CCDC7: variants seen among roughly 807,000 people sequenced by gnomAD.
The protein encoded by CCDC7 is coiled-coil domain-containing protein 7.
Under a neutral mutation model 196.9 loss-of-function variants are expected in CCDC7, and 183 were observed. That is an observed-to-expected ratio of 0.93 (90% confidence interval 0.82 to 1.05). The LOEUF is 1.05. Ranked by LOEUF, CCDC7 falls within the 50% of genes least tolerant of loss-of-function variation. The probability of loss-of-function intolerance (pLI) is 0.00; values close to 1 mark genes in which losing one functional copy is unlikely to be tolerated. For synonymous variants in CCDC7, 525 were observed against 484.6 expected (o/e 1.08, Z -1.10); for missense variants, 1,540 against 1,482.2 (o/e 1.04, Z -0.64).
At chr10:32,875,325 G>C (rs1299814088) in intron 41 of CCDC7, among the ~76,000 whole-genome samples, 1 of 152,012 alleles carries the variant, frequency 6.6e-6, no homozygotes, top group Non-Finnish European at 1.5e-5. Context: ...GTTTAAGGAA[G>C]GGGTCCAGTT....
At chr10:32,833,346 C>CTCTT (rs2092361370) in intron 32 of CCDC7, among the ~76,000 whole-genome samples, 1 of 23,924 alleles carries the variant, frequency 4.2e-5, no homozygotes, top group Non-Finnish European at 1.5e-4. Context: ...ATATATTACC[C>CTCTT]TTTTTTTAAA....
intron 28 of CCDC7, among the ~76,000 whole-genome samples, chr10:32,733,806 A>G (rs966532030): frequency 1.3e-5 from 2 of 152,162 alleles, no homozygotes; most frequent in Non-Finnish European, 2.9e-5. Flanking sequence ...TATACTTTTT[A>G]TCTGGTAAAT....
intron 21 of CCDC7, among the ~76,000 whole-genome samples, chr10:32,676,538 C>A (rs1449997281): frequency 6.6e-6 from 1 of 152,080 alleles, no homozygotes; most frequent in Non-Finnish European, 1.5e-5. Flanking sequence ...AAACAAACAA[C>A]CCCATCAAAA....
At chr10:32,611,355 T>C (rs138951657) in intron 18 of CCDC7, among the ~76,000 whole-genome samples, 6,881 of 152,328 alleles carry the variant, frequency 0.045, 222 homozygotes, top group Middle Eastern at 0.088. Flanking sequence ...AAAAATGTTC[T>C]CCCATTCTGT....
intron 11 of CCDC7, among the ~76,000 whole-genome samples, chr10:32,526,260 C>T (rs1246295154): frequency 6.6e-6 from 1 of 152,154 alleles, no homozygotes; most frequent in Non-Finnish European, 1.5e-5. Context: ...ATGGTCTCTT[C>T]CTTCAGCTTG....
chr10:32,804,959 C>T, intron 29 of CCDC7, 56 bp from the exon 31 acceptor site: 1 of 1,063,442 alleles, frequency 9.4e-7, no homozygotes, highest in Non-Finnish European at 1.5e-6. Flanking sequence ...ACACCCCTCA[C>T]ATTCCTATGT....
intron 24 of CCDC7, among the ~76,000 whole-genome samples, chr10:32,709,462 A>G (rs2080433569): frequency 6.6e-6 from 1 of 151,848 alleles, no homozygotes; most frequent in African/African-American, 2.4e-5. Context: ...TAGAACTTAA[A>G]GTATAATAAA....
chr10:32,830,147 T>A, intron 32 of CCDC7, among the ~76,000 whole-genome samples: 1 of 126,342 alleles, frequency 7.9e-6, no homozygotes, highest in Non-Finnish European at 1.8e-5. Flanking sequence ...TATATCCTAT[T>A]AGTTCTTTCC....
At chr10:32,848,088 A>T (rs2093384798) in intron 38 of CCDC7, among the ~76,000 whole-genome samples, 172 bp downstream of exon 39, 1 of 151,844 alleles carries the variant, frequency 6.6e-6, no homozygotes, top group Non-Finnish European at 1.5e-5. Flanking sequence ...AATTAGCTAG[A>T]AAGTTTTAAA....
chr10:32,617,511 T>G (rs907046854), intron 18 of CCDC7, among the ~76,000 whole-genome samples: 5 of 151,832 alleles, frequency 3.3e-5, no homozygotes, highest in African/African-American at 7.2e-5. Context: ...TTTAATAAAA[T>G]TTTTAAATTT....
rs143322378 is a variant in CCDC7 at position 32,556,635 on chromosome 10, A to G, written c.1135-8923A>G. Among the ~76,000 whole-genome samples, 87 of 152,314 alleles carry G rather than the reference A, an allele frequency of 5.7e-4. No homozygotes were observed. The Middle Eastern group carries it at 0.014, about 24-fold the overall frequency. On this transcript the variant is annotated intron_variant, in intron 13 of 41. Coordinates refer to ENST00000639629, the Ensembl canonical transcript of CCDC7. ...GTATGTTTGTTCTGTGGTATGAGATATGTCTTCCATTTAATTTACAAGATT... is the reference window on the plus strand; with the variant it reads ...GTATGTTTGTTCTGTGGTATGAGATGTGTCTTCCATTTAATTTACAAGATT...
At chr10:32,480,183 C>G (rs886849582) in intron 8 of CCDC7, among the ~76,000 whole-genome samples, 1 of 151,934 alleles carries the variant, frequency 6.6e-6, no homozygotes, top group Non-Finnish European at 1.5e-5. Context: ...TTTCTAGTCT[C>G]TATTTTATGT....
intron 32 of CCDC7, among the ~76,000 whole-genome samples, chr10:32,827,043 T>A (rs1422104427): frequency 1.3e-5 from 2 of 152,364 alleles, no homozygotes; most frequent in South Asian, 2.1e-4. Context: ...TTGTATCCCA[T>A]GTGAGTGCTC....
chr10:32,743,351 G>T (rs1441754725), intron 28 of CCDC7, among the ~76,000 whole-genome samples: 2 of 152,106 alleles, frequency 1.3e-5, no homozygotes, highest in Non-Finnish European at 2.9e-5. Context: ...CCATTCTGTA[G>T]GTTACCTGTT....
chr10:32,707,352 A>G (rs909671314), intron 24 of CCDC7, among the ~76,000 whole-genome samples: 4 of 152,170 alleles, frequency 2.6e-5, no homozygotes, highest in Non-Finnish European at 5.9e-5. Flanking sequence ...TGACAAACCC[A>G]CAGCCAATAT....
chr10:32,723,919 A>C (rs960794283), intron 25 of CCDC7, among the ~76,000 whole-genome samples: 2 of 152,002 alleles, frequency 1.3e-5, no homozygotes, highest in Admixed American at 1.3e-4. Context: ...ACTGGGTGCA[A>C]CTCAGCAACT....
In CCDC7 at chr10:32,668,801, A is replaced by G. The variant is rs188943813; in HGVS notation, c.2122+4640A>G. On this transcript the variant is annotated intron_variant, in intron 21 of 41. Coordinates refer to ENST00000639629, the Ensembl canonical transcript of CCDC7. ...TATTTTATTGAGAATTTTTGCATCA[A>G]TGTTCGTCAGAGTTTTCTATATATT... 2.0e-3 allele frequency among the ~76,000 whole-genome samples: 309 copies of G among 152,228 alleles called. 2 individuals are homozygous for G. Among genetic ancestry groups the G allele is most frequent in the Non-Finnish European group, 2.4e-3 (161 of 68,010 alleles).
At chr10:32,472,847 C>G (rs885116) in intron 7 of CCDC7, among the ~76,000 whole-genome samples, 3,025 of 151,892 alleles carry the variant, frequency 0.02, 104 homozygotes, top group African/African-American at 0.069. Context: ...CCTCCCACCT[C>G]GGGCTCCTAA....
chr10:32,617,245 T>A (rs1361114555), intron 18 of CCDC7, among the ~76,000 whole-genome samples: 1 of 151,924 alleles, frequency 6.6e-6, no homozygotes, highest in Non-Finnish European at 1.5e-5. Context: ...ACTAACTTTT[T>A]GTTTCATTGA....
Sources: allele counts gnomAD v4.1 joint callset (sites outside exome capture counted in the v4.1 genomes callset), GRCh38; gene constraint gnomAD v4.1.1; transcripts MANE v1.5; gene names NCBI Gene and HGNC (gene_info 2026-07-23, HGNC 2026-07-21).